The following SYNE1 variants were observed in gnomAD, a reference collection of about 807,000 sequenced individuals.
SYNE1 encodes the protein nesprin-1.
A neutral mutation model predicts 1,111.0 loss-of-function variants in SYNE1; 616 were observed. The ratio of observed to expected loss-of-function variants is 0.55; its 90% CI spans 0.52 to 0.59. The LOEUF (loss-of-function observed/expected upper bound fraction) is 0.59, where lower values mean the gene tolerates loss of function less well. Ranked by LOEUF, SYNE1 falls within the 20% of genes least tolerant of loss-of-function variation. SYNE1 has a pLI of 0.00. For missense variants in SYNE1, 10,006 were observed against 10,417.0 expected, an observed-to-expected ratio of 0.96 and a Z score of 1.72; for synonymous variants, 3,855 against 3,825.8, an observed-to-expected ratio of 1.01 and a Z score of -0.28.
intron 131 of SYNE1, among the ~76,000 whole-genome samples, chr6:152,161,175 A>T (rs1285498180): frequency 7.7e-6 from 1 of 130,468 alleles, no homozygotes; most frequent in Non-Finnish European, 1.6e-5. Flanking sequence ...TAGTAATGTA[A>T]CAAAAATATA....
At chr6:152,244,190 G>GT (rs941680559) in intron 106 of SYNE1, among the ~76,000 whole-genome samples, 1 of 152,084 alleles carries the variant, frequency 6.6e-6, no homozygotes, top group African/African-American at 2.4e-5. Context: ...CAATACGAGG[G>GT]TAGATATCCC....
At chr6:152,214,882 C>A (rs1238302678) in intron 122 of SYNE1, 24 bp downstream of exon 122, 1 of 1,613,884 alleles carries the variant, frequency 6.2e-7, no homozygotes, top group East Asian at 2.2e-5. Flanking sequence ...CTGGAGCAAC[C>A]AAGACATCTC....
intron 48 of SYNE1, 104 bp downstream of exon 48, chr6:152,399,512 C>T: frequency 8.1e-6 from 11 of 1,354,742 alleles, no homozygotes; most frequent in Middle Eastern, 5.1e-4. Flanking sequence ...GAAATGACAC[C>T]CTGGAAAGTT....
chr6:152,217,767 G>A (rs147741204), intron 121 of SYNE1, among the ~76,000 whole-genome samples: 249 of 152,154 alleles, frequency 1.6e-3, no homozygotes, highest in African/African-American at 5.4e-3. Flanking sequence ...GGTTTCCAGC[G>A]GTGGAAAGAG....
chr6:152,162,532 T>C (rs972737020), intron 131 of SYNE1, among the ~76,000 whole-genome samples: 3 of 152,226 alleles, frequency 2.0e-5, no homozygotes, highest in African/African-American at 7.2e-5. Context: ...AACTCATCAC[T>C]ATAGACATCA....
At chr6:152,528,563 A>G (rs2099177045) in intron 4 of SYNE1, among the ~76,000 whole-genome samples, 1 of 152,232 alleles carries the variant, frequency 6.6e-6, no homozygotes, top group Non-Finnish European at 1.5e-5. Context: ...AAATATTTAT[A>G]CCACCAATAT....
rs751055630 is a variant in SYNE1, at chr6:152,472,427, T to TA, written c.1351-15dup. The TA allele has an allele frequency of 4.8e-5, 77 of 1,587,658 alleles. No homozygotes were observed. Among genetic ancestry groups the TA allele is most frequent in the Non-Finnish European group, 6.0e-5 (69 of 1,158,482 alleles). The stretch of plus-strand genomic sequence containing the variant: ...TTGAAGCAGATCCTAAGATACAGTT[T>TA]AAAAAAAAATAAAAAATGAAAAACA... On this transcript the variant is annotated splice_polypyrimidine_tract_variant and intron_variant, in intron 14 of 145. Transcript: ENST00000367255.
intron 55 of SYNE1, among the ~76,000 whole-genome samples, chr6:152,383,572 C>T (rs1282467073): frequency 6.6e-6 from 1 of 152,152 alleles, no homozygotes; most frequent in Non-Finnish European, 1.5e-5. Flanking sequence ...CTACTCTTCC[C>T]CTTCTTGTTT....
intron 58 of SYNE1, among the ~76,000 whole-genome samples, chr6:152,375,635 G>A (rs1006144675): frequency 5.3e-5 from 8 of 152,084 alleles, no homozygotes; most frequent in Non-Finnish European, 7.4e-5. Context: ...AAATATAACC[G>A]CAGCTCTGGC....
At chr6:152,221,748 T>G (rs1458365489) in intron 117 of SYNE1, among the ~76,000 whole-genome samples, 189 bp from the exon 118 acceptor site, 1 of 152,234 alleles carries the variant, frequency 6.6e-6, no homozygotes, top group Non-Finnish European at 1.5e-5. Flanking sequence ...ATTTTGTTAT[T>G]TTGGCTATGA....
intron 3 of SYNE1, among the ~76,000 whole-genome samples, chr6:152,622,213 T>G (rs1043045234): frequency 6.6e-6 from 1 of 152,166 alleles, no homozygotes; most frequent in Non-Finnish European, 1.5e-5. Flanking sequence ...TTTTTGACAC[T>G]GTTTTGTGTT....
intron 39 of SYNE1, among the ~76,000 whole-genome samples, chr6:152,424,010 G>A (rs766555544): frequency 4.6e-5 from 7 of 152,226 alleles, no homozygotes; most frequent in Middle Eastern, 3.4e-3. Flanking sequence ...GCCTGAAATC[G>A]TCTTGTTTGT....
chr6:152,313,464 C>CT (rs35627993), intron 87 of SYNE1, among the ~76,000 whole-genome samples: 3,635 of 135,608 alleles, frequency 0.027, 50 homozygotes, highest in Middle Eastern at 0.046. Flanking sequence ...ATTTTCTTTT[C>CT]TTTTTTTTTT....
At position 152,324,294 on chromosome 6, in the gene SYNE1, G is replaced by A. The variant is rs553153309; in HGVS notation, c.15658-557C>T. On this transcript the variant is annotated intron_variant, in intron 81 of 145. Transcript: ENST00000367255. ...GGTGCCTGTAATCCCAGCTACTCAT[G>A]AGGGTGAGGCAGGAGAATTGCTTGA... 5.3e-5 allele frequency among the ~76,000 whole-genome samples: 8 copies of A among 151,772 alleles called. No individual in the cohort carries two copies. The South Asian group carries it at 1.7e-3, about 32-fold the overall frequency.
intron 93 of SYNE1, among the ~76,000 whole-genome samples, chr6:152,295,606 TGTGTTA>T (rs2094833129): frequency 6.6e-6 from 1 of 151,368 alleles, no homozygotes; most frequent in South Asian, 2.1e-4. Flanking sequence ...TGCATGTGTG[TGTGTTA>T]CTGACACACA....
chr6:152,512,310 AACTTGTAT>A (rs2099088978), intron 6 of SYNE1, among the ~76,000 whole-genome samples: 1 of 152,174 alleles, frequency 6.6e-6, no homozygotes, highest in Non-Finnish European at 1.5e-5. Context: ...ATAGATTACA[AACTTGTAT>A]ATCTACTTCC....
At chr6:152,234,856 C>T in intron 110 of SYNE1, 56 bp from the exon 111 acceptor site, 1 of 1,590,500 alleles carries the variant, frequency 6.3e-7, no homozygotes, top group Non-Finnish European at 8.6e-7. Context: ...ATCTTCTACT[C>T]ACCTACGTTA....
intron 129 of SYNE1, among the ~76,000 whole-genome samples, chr6:152,177,325 C>T (rs546984196): frequency 5.8e-4 from 88 of 152,280 alleles, no homozygotes; most frequent in Non-Finnish European, 9.7e-4. Context: ...ACAATCCCCT[C>T]CCCCTGACTG....
At chr6:152,263,802 C>T (rs919778446) in intron 100 of SYNE1, among the ~76,000 whole-genome samples, 3 of 151,808 alleles carry the variant, frequency 2.0e-5, no homozygotes, top group African/African-American at 7.2e-5. Context: ...CCTCAATCTT[C>T]TCATCTTTAA....
Sources: allele counts gnomAD v4.1 joint callset (sites outside exome capture counted in the v4.1 genomes callset), GRCh38; gene constraint gnomAD v4.1.1; transcripts MANE v1.5; gene names NCBI Gene and HGNC (gene_info 2026-07-23, HGNC 2026-07-21).